Variants in LDLRAD4 observed in about 807,000 individuals in gnomAD.
The protein encoded by LDLRAD4 is low-density lipoprotein receptor class A domain-containing protein 4.
A neutral mutation model predicts 17.0 loss-of-function variants in LDLRAD4; 5 were observed. The observed-to-expected ratio is 0.29, with a 90% CI of 0.15 to 0.62. The LOEUF is 0.62. Ranked by LOEUF, LDLRAD4 falls within the 20% of genes least tolerant of loss-of-function variation. The pLI is 0.84. For synonymous variants in LDLRAD4, 168 were observed against 171.8 expected (o/e 0.98, Z 0.17); for missense variants, 340 against 424.7 (o/e 0.80, Z 1.75).
intron 3 of LDLRAD4, chr18:13,523,007 G>A (rs1478282412): frequency 6.6e-6 from 1 of 152,172 alleles, no homozygotes; most frequent in African/African-American, 2.4e-5. Flanking sequence ...CCAGGAGCAG[G>A]AACGCTGTGC....
At chr18:13,294,526 A>C (rs1033237194) in intron 1 of LDLRAD4, among the ~76,000 whole-genome samples, 9 of 152,234 alleles carry the variant, frequency 5.9e-5, no homozygotes, top group African/African-American at 2.2e-4. Context: ...ATCTCATAGA[A>C]CTAAAACCCC....
At chr18:13,612,769 A>T in intron 3 of LDLRAD4, 1 of 1,614,070 alleles carries the variant, frequency 6.2e-7, no homozygotes, top group Non-Finnish European at 8.5e-7. Flanking sequence ...CTGTTCTTAA[A>T]AAAAGGTACA....
chr18:13,319,225 T>G (rs2081090735), intron 1 of LDLRAD4, among the ~76,000 whole-genome samples: 1 of 152,186 alleles, frequency 6.6e-6, no homozygotes. Flanking sequence ...GAAACACGAA[T>G]CGATTGTCGT....
rs1415473736 is a variant in LDLRAD4 at position 13,557,239 on chromosome 18, A to G, written c.182-63878A>G. On this transcript the variant is annotated intron_variant, in intron 3 of 5. Coordinates refer to ENST00000359446, the Ensembl canonical transcript of LDLRAD4. ...CTTGAGCCCAGGAGTTCAAGCTTACAGTGAGCTATGATCACAACACTGTGC... is the reference window on the plus strand; with the variant it reads ...CTTGAGCCCAGGAGTTCAAGCTTACGGTGAGCTATGATCACAACACTGTGC... Among the ~76,000 whole-genome samples the G allele has an allele frequency of 2.0e-5, 3 of 152,228 alleles. No individual in the cohort carries two copies. The East Asian group carries it at 5.8e-4, about 29-fold the overall frequency.
chr18:13,397,282 T>A (rs1304160037), intron 2 of LDLRAD4, among the ~76,000 whole-genome samples: 2 of 152,214 alleles, frequency 1.3e-5, no homozygotes, highest in Non-Finnish European at 2.9e-5. Context: ...TAGCTGGGAC[T>A]ACAGGCACCC....
chr18:13,294,664 G>A (rs985580276), intron 1 of LDLRAD4, among the ~76,000 whole-genome samples: 3 of 152,030 alleles, frequency 2.0e-5, no homozygotes, highest in African/African-American at 4.8e-5. Flanking sequence ...GCCTGCGCTC[G>A]GGGACACAGG....
At chr18:13,439,893 C>T (rs2076108334) in intron 3 of LDLRAD4, among the ~76,000 whole-genome samples, 1 of 152,142 alleles carries the variant, frequency 6.6e-6, no homozygotes, top group African/African-American at 2.4e-5. Context: ...GCCTCAGTGC[C>T]CTCATCTCCA....
rs188827552 is a variant in LDLRAD4 at position 13,499,507 on chromosome 18, C to T, written c.181+61123C>T. Among the ~76,000 whole-genome samples the T allele has an allele frequency of 1.1e-3, 156 of 141,972 alleles. 1 individual carries two copies. Among genetic ancestry groups the T allele is most frequent in the Middle Eastern group, 4.5e-3 (1 of 222 alleles). The allele number at this position is 141,972 out of a possible 152,430, so 93.1% of individuals were successfully genotyped here. On this transcript the variant is annotated intron_variant, in intron 3 of 5. Transcript: ENST00000359446. ...CGTGGATACTGGAGAATCCTTCTTG[C>T]CACACACGTCCCGCCGTGGACACTG...
chr18:13,414,609 G>A (rs1229869018), intron 2 of LDLRAD4, among the ~76,000 whole-genome samples: 1 of 152,244 alleles, frequency 6.6e-6, no homozygotes, highest in Non-Finnish European at 1.5e-5. Context: ...TGTGTTTGCT[G>A]CAGCCCAGCA....
chr18:13,221,458 A>C (rs554034972), intron 1 of LDLRAD4, among the ~76,000 whole-genome samples: 30 of 152,326 alleles, frequency 2.0e-4, no homozygotes, highest in South Asian at 6.2e-4. Flanking sequence ...ACGGGTGTAC[A>C]TGGAAGATGA....
intron 1 of LDLRAD4, among the ~76,000 whole-genome samples, chr18:13,295,066 T>C (rs927766774): frequency 6.6e-6 from 1 of 152,202 alleles, no homozygotes; most frequent in Non-Finnish European, 1.5e-5. Flanking sequence ...AAGCAAATTG[T>C]GGAATCTCTG....
intron 3 of LDLRAD4, among the ~76,000 whole-genome samples, chr18:13,499,151 C>T (rs1219136773): frequency 1.3e-5 from 2 of 149,554 alleles, no homozygotes; most frequent in African/African-American, 4.9e-5. Flanking sequence ...CTTCTACTCA[C>T]ACACACGTCG....
chr18:13,436,091 A>T (rs1013908117), intron 2 of LDLRAD4, among the ~76,000 whole-genome samples: 9 of 152,274 alleles, frequency 5.9e-5, no homozygotes, highest in African/African-American at 2.2e-4. Context: ...AGTGCCTGTC[A>T]CAGGCTGGGC....
chr18:13,439,080 G>C (rs2090856003), intron 3 of LDLRAD4, among the ~76,000 whole-genome samples: 1 of 152,332 alleles, frequency 6.6e-6, no homozygotes, highest in African/African-American at 2.4e-5. Context: ...TCTTTCTGCA[G>C]TTGCACACCT....
At chr18:13,394,973 T>C (rs1247600013) in intron 2 of LDLRAD4, among the ~76,000 whole-genome samples, 1 of 152,218 alleles carries the variant, frequency 6.6e-6, no homozygotes, top group Admixed American at 6.5e-5. Flanking sequence ...AGTGTATGGA[T>C]GTCTCTGGAG....
At chr18:13,641,917 C>T in intron 4 of LDLRAD4, 2 of 985,536 alleles carry the variant, frequency 2.0e-6, no homozygotes, top group Non-Finnish European at 2.4e-6. Flanking sequence ...TGGCGGCGTT[C>T]CTGGCTACGG....
At chr18:13,285,176 T>C (rs562321612) in intron 1 of LDLRAD4, among the ~76,000 whole-genome samples, 1 of 152,338 alleles carries the variant, frequency 6.6e-6, no homozygotes, top group East Asian at 1.9e-4. Context: ...ACAGTGTTTG[T>C]AAGCCCCAGG....
chr18:13,217,787 G>A (rs1474310773), upstream of LDLRAD4: 3 of 151,370 alleles, frequency 2.0e-5, no homozygotes, highest in South Asian at 4.1e-4. The surrounding 1 kb of genome is among the most constrained non-coding windows in gnomAD (Gnocchi z 4.9). Context: ...GAGTGCGTTG[G>A]CCCTGCCCGC....
intron 3 of LDLRAD4, among the ~76,000 whole-genome samples, chr18:13,528,098 T>C (rs149434002): frequency 6.6e-5 from 10 of 152,316 alleles, no homozygotes; most frequent in Non-Finnish European, 1.3e-4. Flanking sequence ...CTGCCTGATA[T>C]GCTGCCCTGG....
Sources: allele counts gnomAD v4.1 joint callset (sites outside exome capture counted in the v4.1 genomes callset), GRCh38; gene constraint gnomAD v4.1.1; non-coding constraint Gnocchi (gnomAD v3.1); transcripts MANE v1.5; gene names NCBI Gene and HGNC (gene_info 2026-07-23, HGNC 2026-07-21).